PAK3: variants seen among roughly 807,000 people sequenced by gnomAD.
PAK3 encodes serine/threonine-protein kinase PAK 3.
In PAK3, 4 loss-of-function variants were observed where a neutral mutation model predicts 41.0. That is an observed-to-expected ratio of 0.10 (90% CI 0.05 to 0.22). PAK3 has a LOEUF of 0.22. PAK3 is among the 10% of genes least tolerant of loss of function. The pLI is 1.00. For synonymous variants in PAK3, 146 were observed against 139.6 expected (o/e 1.05, Z -0.32); for missense variants, 205 against 409.9 (o/e 0.50, Z 4.32).
intron 17 of PAK3, chrX:111,217,137 AT>A: frequency 2.0e-6 from 1 of 499,130 alleles, no homozygotes; most frequent in Middle Eastern, 1.3e-3. Context: ...AAATTATTTC[AT>A]TTTTATAACA....
At chrX:111,137,468 T>C (rs1013907643) in intron 5 of PAK3, among the ~76,000 whole-genome samples, 1 of 111,226 alleles carries the variant, frequency 9.0e-6, no homozygotes, top group Non-Finnish European at 1.9e-5. Flanking sequence ...TCTTTTTTTT[T>C]AAGTTCTCAG....
At chrX:111,070,014 TTATC>T (rs1320548157) in intron 1 of PAK3, among the ~76,000 whole-genome samples, 2 of 111,771 alleles carry the variant, frequency 1.8e-5, no homozygotes, top group Non-Finnish European at 1.9e-5. Context: ...ATGCATTGCA[TTATC>T]TATTAGTTTT....
intron 4 of PAK3, among the ~76,000 whole-genome samples, chrX:111,119,378 A>T (rs1487519114): frequency 8.9e-6 from 1 of 112,126 alleles, no homozygotes; most frequent in Non-Finnish European, 1.9e-5. Context: ...AATTAGCTCC[A>T]CAATGCTAAG....
chrX:111,174,817 C>A (rs1340385303), intron 11 of PAK3, among the ~76,000 whole-genome samples: 2 of 111,677 alleles, frequency 1.8e-5, no homozygotes, highest in African/African-American at 3.3e-5. Flanking sequence ...AAGGAACTTA[C>A]AGTTTACACT....
At chrX:110,974,912 A>G (rs4893403) in intron 1 of PAK3, among the ~76,000 whole-genome samples, 1 of 110,955 alleles carries the variant, frequency 9.0e-6, no homozygotes, top group Non-Finnish European at 1.9e-5. Flanking sequence ...ATTCAACAGC[A>G]CTTCATGCTA....
At position 111,149,929 on chromosome X, in the gene PAK3, C is replaced by T. The variant is rs751807892; in HGVS notation, c.430+2039C>T. On this transcript the variant is annotated intron_variant, in intron 7 of 17. Coordinates refer to ENST00000372007, the MANE Select transcript of PAK3 (RefSeq NM_002578.5). ...AAGAAAATGAGTTTTTATTTTCTAT[C>T]GCATAGTCAGGCTGCACATTTTCCA... Among the ~76,000 whole-genome samples, 9 of 112,381 alleles carry T rather than the reference C, an allele frequency of 8.0e-5. No homozygotes were observed. The South Asian group carries it at 1.1e-3, about 14-fold the overall frequency.
rs544904638 is a variant in PAK3 at position 110,987,757 on chromosome X, G to T, written c.-28+43129G>T. On this transcript the variant is annotated intron_variant, in intron 1 of 14. Coordinates refer to the PAK3 transcript ENST00000425146. The stretch of plus-strand genomic sequence containing the variant: ...ACCTGGAATTTGGGTATCTGATCTG[G>T]AATTTGACTTGGTATAGAATATTTC... 2.7e-5 allele frequency among the ~76,000 whole-genome samples: 3 copies of T among 111,720 alleles called. No individual in the cohort carries two copies. In the South Asian group the frequency reaches 1.1e-3, roughly 43 times the overall value.
chrX:111,085,160 C>T (rs1403075840), intron 1 of PAK3, among the ~76,000 whole-genome samples: 5 of 111,677 alleles, frequency 4.5e-5, no homozygotes, highest in Admixed American at 9.5e-5. Context: ...TGTTTAAACA[C>T]GACAGTTTTT....
intron 1 of PAK3, among the ~76,000 whole-genome samples, chrX:110,969,443 G>A (rs773996447): frequency 5.9e-5 from 5 of 84,061 alleles, no homozygotes; most frequent in African/African-American, 1.3e-4. Context: ...GCTACCAGAC[G>A]TGGCTAATTT....
rs2094614431 is a variant in PAK3, at chrX:111,196,540, G to A, written c.1307G>A (p.Arg436Gln). 8.3e-7 allele frequency: 1 copy of A among 1,204,563 alleles called. No individual in the cohort carries two copies. Among genetic ancestry groups the A allele is most frequent in the Non-Finnish European group, 1.1e-6 (1 of 889,026 alleles). ...TGGATGGCACCTGAGGTGGTGACTC[G>A]AAAAGCTTATGGTCCGAAAGTTGAT... ...PYWMAPEVVT[R>Q]KAYGPKVDIW... The change falls in exon 16 of 18, where the codon CGA becomes CAA. Residue 436 changes from arginine to glutamine, a missense_variant. Transcript: ENST00000372007.
At chrX:110,987,696 C>T (rs1217351860) in intron 1 of PAK3, among the ~76,000 whole-genome samples, 1 of 111,826 alleles carries the variant, frequency 8.9e-6, no homozygotes, top group African/African-American at 3.2e-5. Context: ...TTTTTATTGT[C>T]ATTGTTTTAT....
chrX:111,068,687 T>G (rs769875135), intron 1 of PAK3, among the ~76,000 whole-genome samples: 1 of 112,480 alleles, frequency 8.9e-6, no homozygotes, highest in East Asian at 2.8e-4. Context: ...TGTTTATAAT[T>G]TCTAATATGT....
rs2094939180 is a variant in PAK3, at chrX:111,223,712, GT to G, written c.*3266del. 9.0e-6 allele frequency: 1 copy of G among 110,873 alleles called. No homozygotes were observed. Among genetic ancestry groups the G allele is most frequent in the South Asian group, 3.8e-4 (1 of 2,632 alleles). The allele number at this position is 110,873 out of a possible 1,213,427, so 9.1% of individuals were successfully genotyped here. ...ACTGTTTTGATAGTTTGAGATATTT[GT>G]CTATAAATGATATTTCTCAGCTCAA... On this transcript the variant is annotated 3_prime_UTR_variant, in exon 18 of 18. Transcript: ENST00000372007.
At chrX:111,219,223 T>TAAGAAGAAG (rs1470519335) in intron 17 of PAK3, among the ~76,000 whole-genome samples, 2 of 98,474 alleles carry the variant, frequency 2.0e-5, no homozygotes, top group African/African-American at 4.2e-5. Context: ...ATAATAATAA[T>TAAGAAGAAG]AATAATAATA....
intron 16 of PAK3, among the ~76,000 whole-genome samples, chrX:111,212,701 T>C (rs2094834954): frequency 8.9e-6 from 1 of 112,256 alleles, no homozygotes; most frequent in Non-Finnish European, 1.9e-5. Context: ...GCAGGTTTAA[T>C]CCTAGGAAGA....
At chrX:111,006,849 C>CTTTCT (rs1556434441) in intron 1 of PAK3, among the ~76,000 whole-genome samples, 6,343 of 42,707 alleles carry the variant, frequency 0.15, 471 homozygotes, top group Middle Eastern at 0.22. Context: ...TTCTTTCTTT[C>CTTTCT]TTTTTTTTTT....
At chrX:111,131,505 C>T (rs758123762) in intron 5 of PAK3, among the ~76,000 whole-genome samples, 18 of 110,928 alleles carry the variant, frequency 1.6e-4, no homozygotes, top group African/African-American at 5.9e-4. Context: ...TATTTTTATG[C>T]CTATCTTTCT....
intron 10 of PAK3, among the ~76,000 whole-genome samples, chrX:111,172,456 A>G (rs2094355134): frequency 9.0e-6 from 1 of 111,545 alleles, no homozygotes; most frequent in Admixed American, 9.5e-5. Flanking sequence ...TCACCTAGGC[A>G]GTGAGCATAC....
chrX:111,206,684 A>T (rs2094751758), intron 16 of PAK3, among the ~76,000 whole-genome samples: 1 of 112,362 alleles, frequency 8.9e-6, no homozygotes, highest in Non-Finnish European at 1.9e-5. Context: ...GACAGGTAGG[A>T]AGCTAAATTA....
Sources: allele counts gnomAD v4.1 joint callset (sites outside exome capture counted in the v4.1 genomes callset), GRCh38; gene constraint gnomAD v4.1.1; transcripts MANE v1.5; gene names NCBI Gene and HGNC (gene_info 2026-07-23, HGNC 2026-07-21).